The following VAV2 variants were observed in gnomAD, a reference collection of about 807,000 sequenced individuals.
VAV2 encodes vav guanine nucleotide exchange factor 2.
VAV2 carries 67 observed loss-of-function variants against 132.5 expected under a neutral mutation model. The ratio of observed to expected loss-of-function variants is 0.51; its 90% CI spans 0.42 to 0.62. VAV2 has a LOEUF of 0.62. Among genes scored for constraint, VAV2 ranks in the 20% least tolerant of loss-of-function variants. The probability of loss-of-function intolerance (pLI) is 0.00; values close to 1 mark genes in which losing one functional copy is unlikely to be tolerated. For synonymous variants in VAV2, 492 were observed against 443.5 expected, an observed-to-expected ratio of 1.11 and a Z score of -1.37; for missense variants, 938 against 1,153.6, an observed-to-expected ratio of 0.81 and a Z score of 2.71.
At position 133,763,752 on chromosome 9, in the gene VAV2, G is replaced by A. The variant is rs1833341328; in HGVS notation, c.*310C>T. The A allele has an allele frequency of 2.4e-6, 1 of 408,922 alleles. No homozygotes were observed. The highest frequency in any genetic ancestry group is 4.5e-6 in the Non-Finnish European group (1 of 219,812). 25.3% of individuals were successfully genotyped at this position (408,922 alleles called of 1,614,324 possible). On this transcript the variant is annotated 3_prime_UTR_variant, in exon 30 of 30. Coordinates refer to ENST00000371850, the MANE Select transcript of VAV2 (RefSeq NM_001134398.2). The surrounding 1 kb of genome is among the most constrained non-coding windows in gnomAD (Gnocchi z 6.8). ...CTCAGTTGGACAGGGGCAGGCGATG[G>A]GCCTCTGGCCTCAGCCACTACCCAG...
chr9:133,880,416 T>C (rs1209429778), intron 2 of VAV2, among the ~76,000 whole-genome samples: 1 of 152,166 alleles, frequency 6.6e-6, no homozygotes, highest in Non-Finnish European at 1.5e-5. Flanking sequence ...GGGGCAGCCA[T>C]GGGGAACTCC....
Position 133,823,331 on chromosome 9 carries a change from G to A in VAV2, c.449+10941C>T, listed in dbSNP as rs1192205881. ...TCTGGTGAAGGTGAACTTCAATTCA[G>A]CCTGGTAGGGTTGGGGGCTGCCTCT... is the stretch of plus-strand genomic sequence containing the variant. On this transcript the variant is annotated intron_variant, in intron 4 of 29. Coordinates refer to ENST00000371850, the MANE Select transcript of VAV2 (RefSeq NM_001134398.2). The surrounding 1 kb of genome is among the most constrained non-coding windows in gnomAD (Gnocchi z 5.5). Among the ~76,000 whole-genome samples, 1 of 152,210 alleles carries A rather than the reference G, an allele frequency of 6.6e-6. No homozygotes were observed. The highest frequency in any genetic ancestry group is 2.4e-5 in the African/African-American group (1 of 41,452).
intron 2 of VAV2, among the ~76,000 whole-genome samples, chr9:133,899,323 G>A (rs1217374491): frequency 6.6e-6 from 1 of 151,748 alleles, no homozygotes; most frequent in Non-Finnish European, 1.5e-5. Flanking sequence ...TTGGGAGGCC[G>A]AGGTGAGTGG....
chr9:133,770,852 G>C (rs535092838), intron 26 of VAV2, among the ~76,000 whole-genome samples: 1 of 152,130 alleles, frequency 6.6e-6, no homozygotes, highest in Admixed American at 6.5e-5. Flanking sequence ...AGAGCCATGC[G>C]GCCATCAGCC....
At position 133,863,983 on chromosome 9, in the gene VAV2, A is replaced by G. The variant is rs1024287139; in HGVS notation, c.322-2551T>C. The stretch of plus-strand genomic sequence containing the variant: ...CCCCAGGGCACCTCTGGCTGTGCCC[A>G]CCCCACTCCCAGGACAGACAGAGAG... On this transcript the variant is annotated intron_variant, in intron 2 of 29. Coordinates refer to ENST00000371850, the MANE Select transcript of VAV2 (RefSeq NM_001134398.2). The surrounding 1 kb of genome is among the most constrained non-coding windows in gnomAD (Gnocchi z 5.0). Among the ~76,000 whole-genome samples the G allele has an allele frequency of 4.6e-5, 7 of 152,030 alleles. No individual in the cohort carries two copies. Among genetic ancestry groups the G allele is most frequent in the Admixed American group, 4.6e-4 (7 of 15,264 alleles).
chr9:133,918,609 G>C lies in VAV2; in HGVS notation c.321+20494C>G, dbSNP rs911369948. Among the ~76,000 whole-genome samples, 6 of 152,094 alleles carry C rather than the reference G, an allele frequency of 3.9e-5. No homozygotes were observed. The highest frequency in any genetic ancestry group is 7.3e-5 in the Non-Finnish European group (5 of 68,030). Reference sequence around the variant, plus strand: ...ACTGTTATGTCCATTTCGTGGGTAAGAAAGCTGAGGCCCACAGAGTCATGT... The same window carrying C: ...ACTGTTATGTCCATTTCGTGGGTAACAAAGCTGAGGCCCACAGAGTCATGT... On this transcript the variant is annotated intron_variant, in intron 2 of 29. Coordinates refer to ENST00000371850, the MANE Select transcript of VAV2 (RefSeq NM_001134398.2). This position sits in a 1 kb window ranked among gnomAD's most constrained non-coding sequence, Gnocchi z 4.7.
At chr9:133,975,713 C>T (rs1409214374) in intron 1 of VAV2, among the ~76,000 whole-genome samples, 2 of 152,350 alleles carry the variant, frequency 1.3e-5, no homozygotes, top group African/African-American at 4.8e-5. Context: ...CACAGAGGCA[C>T]AGTGCCCTGG....
intron 2 of VAV2, among the ~76,000 whole-genome samples, chr9:133,903,276 T>G (rs1839515169): frequency 6.6e-6 from 1 of 151,926 alleles, no homozygotes; most frequent in Admixed American, 6.6e-5. Context: ...TCCAGTACAT[T>G]TCGGTGGTTT....
chr9:133,772,132 C>T, intron 25 of VAV2, 86 bp from the exon 26 acceptor site: 1 of 1,236,370 alleles, frequency 8.1e-7, no homozygotes, highest in Middle Eastern at 2.0e-4. Context: ...TCTGTGTTTG[C>T]TGCAGCAAAG....
chr9:133,850,633 T>C (rs568808450), intron 3 of VAV2, among the ~76,000 whole-genome samples: 1 of 152,320 alleles, frequency 6.6e-6, no homozygotes, highest in Admixed American at 6.5e-5. Flanking sequence ...CTGGTATGAA[T>C]GTGCCAGGCT....
intron 10 of VAV2, 106 bp from the exon 11 acceptor site, chr9:133,796,630 GC>G: frequency 9.7e-7 from 1 of 1,034,950 alleles, no homozygotes; most frequent in Non-Finnish European, 1.4e-6. Flanking sequence ...CAGAACTCAG[GC>G]CCAGACGTTT....
chr9:133,870,987 G>C (rs1394584851), intron 2 of VAV2, among the ~76,000 whole-genome samples: 3 of 146,664 alleles, frequency 2.0e-5, no homozygotes, highest in Non-Finnish European at 3.0e-5. Context: ...TGGATGGATG[G>C]ATGGATGGAT....
chr9:133,977,659 C>T lies in VAV2; in HGVS notation c.204+14416G>A, dbSNP rs370174854. ...GGCACCTCTGGTTCCTGACAACAGT[C>T]AGAGGTGGGACATTGGAGCTGCAGG... On this transcript the variant is annotated intron_variant, in intron 1 of 29. Coordinates refer to ENST00000371850, the MANE Select transcript of VAV2 (RefSeq NM_001134398.2). Among the ~76,000 whole-genome samples, 24 of 152,336 alleles carry T rather than the reference C, an allele frequency of 1.6e-4. No individual in the cohort carries two copies. In the East Asian group the frequency reaches 3.3e-3, roughly 21 times the overall value.
chr9:133,877,618 G>T (rs749329647), intron 2 of VAV2, among the ~76,000 whole-genome samples: 1 of 152,150 alleles, frequency 6.6e-6, no homozygotes, highest in Non-Finnish European at 1.5e-5. Flanking sequence ...AAAGCACCCA[G>T]AAGGAAAGGC....
chr9:133,813,398 G>A (rs12351761), intron 4 of VAV2, among the ~76,000 whole-genome samples: 4,196 of 152,342 alleles, frequency 0.028, 182 homozygotes, highest in African/African-American at 0.096. Context: ...TGTGTGCCAC[G>A]GCCTCATCCC....
intron 2 of VAV2, among the ~76,000 whole-genome samples, chr9:133,862,839 C>T (rs545390785): frequency 1.4e-4 from 22 of 152,306 alleles, no homozygotes; most frequent in South Asian, 6.2e-4. Flanking sequence ...CAGCCTGTTC[C>T]GCTTCCAGCA....
rs554832657 is a variant in VAV2, at chr9:133,810,804, G to A, written c.553-599C>T. ...ACCCACTCTCACCAGGCATGGATGG[G>A]GGTCTCGAGAAAGAGAGCCTGCAGG... On this transcript the variant is annotated intron_variant, in intron 5 of 29. Coordinates refer to ENST00000371850, the MANE Select transcript of VAV2 (RefSeq NM_001134398.2). Among the ~76,000 whole-genome samples, 33 of 152,340 alleles carry A rather than the reference G, an allele frequency of 2.2e-4. 1 individual carries two copies. Among genetic ancestry groups the A allele is most frequent in the Middle Eastern group, 3.4e-3 (1 of 294 alleles).
chr9:133,868,992 T>C (rs1463566188), intron 2 of VAV2, among the ~76,000 whole-genome samples: 1 of 147,902 alleles, frequency 6.8e-6, no homozygotes, highest in Non-Finnish European at 1.5e-5. Context: ...TCCCCATCTA[T>C]TTATTCTTTT....
chr9:133,939,369 A>C, intron 1 of VAV2, 150 bp from the exon 2 acceptor site: 1 of 750,838 alleles, frequency 1.3e-6, no homozygotes, highest in Non-Finnish European at 2.3e-6. Context: ...AAATGGGCTC[A>C]GAGAGATGAC....
Sources: allele counts gnomAD v4.1 joint callset (sites outside exome capture counted in the v4.1 genomes callset), GRCh38; gene constraint gnomAD v4.1.1; non-coding constraint Gnocchi (gnomAD v3.1); transcripts MANE v1.5; gene names NCBI Gene and HGNC (gene_info 2026-07-23, HGNC 2026-07-21).